Variants in SYT9 observed in about 807,000 individuals in gnomAD.
SYT9 encodes synaptotagmin 9, also known as synaptotagmin-9.
SYT9 carries 22 observed loss-of-function variants against 48.4 expected under a neutral mutation model. That is an observed-to-expected ratio of 0.45 (90% CI 0.32 to 0.65). The LOEUF is 0.65. SYT9 is among the 30% of genes least tolerant of loss of function. The pLI, the probability that SYT9 is intolerant of heterozygous loss-of-function variation, is 0.03. For synonymous variants in SYT9, 265 were observed against 245.0 expected, an observed-to-expected ratio of 1.08 and a Z score of -0.76; for missense variants, 577 against 622.0, an observed-to-expected ratio of 0.93 and a Z score of 0.77.
chr11:7,241,747 A>C (rs1022942757), intron 1 of SYT9, among the ~76,000 whole-genome samples: 2 of 152,250 alleles, frequency 1.3e-5, no homozygotes, highest in African/African-American at 4.8e-5. Context: ...TGTATAATTC[A>C]TTTCGATGTG....
At chr11:7,449,989 C>T (rs973572165) in intron 6 of SYT9, among the ~76,000 whole-genome samples, 1 of 152,096 alleles carries the variant, frequency 6.6e-6, no homozygotes, top group African/African-American at 2.4e-5. Context: ...AGTCATTGCC[C>T]GCCTCCCAAG....
intron 3 of SYT9, among the ~76,000 whole-genome samples, chr11:7,405,092 T>TA (rs10706521): frequency 0.039 from 5,050 of 130,250 alleles, 211 homozygotes; most frequent in African/African-American, 0.098. Flanking sequence ...CTGTCAAGGT[T>TA]AAAAAAAAAA....
At chr11:7,271,776 C>T (rs1310917858) in intron 1 of SYT9, among the ~76,000 whole-genome samples, 4 of 152,066 alleles carry the variant, frequency 2.6e-5, no homozygotes, top group Non-Finnish European at 5.9e-5. Flanking sequence ...TGGGGTTTCG[C>T]CGTGTTAGCC....
rs542598733 is a variant in SYT9, at chr11:7,409,172, T to A, written c.1045-6870T>A. 2.0e-5 allele frequency among the ~76,000 whole-genome samples: 3 copies of A among 152,324 alleles called. No homozygotes were observed. In the East Asian group the frequency reaches 5.8e-4, roughly 29 times the overall value. On this transcript the variant is annotated intron_variant, in intron 3 of 6. Transcript: ENST00000318881. ...TATTGAGATGATCATATGATTTTTG[T>A]CCTTGATTTTGTTTATGTGATGTAT...
At chr11:7,249,070 C>T (rs1847828497), upstream of SYT9, among the ~76,000 whole-genome samples, 1 of 152,138 alleles carries the variant, frequency 6.6e-6, no homozygotes, top group Admixed American at 6.5e-5. Flanking sequence ...TATAAGGAAA[C>T]TAATCCTATT....
intron 3 of SYT9, among the ~76,000 whole-genome samples, chr11:7,374,752 C>T (rs1033869758): frequency 2.0e-5 from 3 of 152,170 alleles, no homozygotes; most frequent in African/African-American, 7.2e-5. Flanking sequence ...CCTTCACCCA[C>T]TTTTCGATGG....
intron 3 of SYT9, among the ~76,000 whole-genome samples, chr11:7,370,253 A>G (rs1009498102): frequency 6.6e-6 from 1 of 152,192 alleles, no homozygotes; most frequent in African/African-American, 2.4e-5. Context: ...AAGCTCTTGA[A>G]AAGTATTTCA....
At chr11:7,255,761 T>C (rs1021338961) in intron 1 of SYT9, among the ~76,000 whole-genome samples, 3 of 152,168 alleles carry the variant, frequency 2.0e-5, no homozygotes, top group African/African-American at 7.2e-5. Flanking sequence ...ATGAGGTTTA[T>C]TTTTTATTTT....
intron 3 of SYT9, among the ~76,000 whole-genome samples, chr11:7,391,149 C>T (rs920246737): frequency 6.6e-6 from 1 of 152,108 alleles, no homozygotes; most frequent in Non-Finnish European, 1.5e-5. Flanking sequence ...TCTGTAAGGA[C>T]ATGATTTTGT....
intron 1 of SYT9, among the ~76,000 whole-genome samples, chr11:7,257,505 C>T (rs564738101): frequency 6.6e-6 from 1 of 152,150 alleles, no homozygotes; most frequent in African/African-American, 2.4e-5. Context: ...AGAAAATGTA[C>T]ATGTAAAATA....
At chr11:7,407,366 T>C (rs371555649) in intron 3 of SYT9, among the ~76,000 whole-genome samples, 670 of 18,522 alleles carry the variant, frequency 0.036, 38 homozygotes, top group African/African-American at 0.13. Context: ...TATAATTTTT[T>C]TTTTTTTTTT....
chr11:7,452,163 CAAT>C (rs1284722340), intron 6 of SYT9, among the ~76,000 whole-genome samples: 1 of 134,658 alleles, frequency 7.4e-6, no homozygotes, highest in Non-Finnish European at 1.6e-5. Context: ...GAAAAACAAA[CAAT>C]GATAAGAAAT....
At position 7,425,190 on chromosome 11, in the gene SYT9, GCTGTAGGT is replaced by G. The variant is rs145997955; in HGVS notation, c.1467+4559_1467+4566del. Among the ~76,000 whole-genome samples the G allele has an allele frequency of 6.5e-3, 991 of 152,272 alleles. 10 individuals are homozygous for G. The highest frequency in any genetic ancestry group is 0.023 in the African/African-American group (951 of 41,558). On this transcript the variant is annotated intron_variant, in intron 6 of 6. Transcript: ENST00000318881. ...TTAGGTGTCCATCCCGGTGCAATTTGCTGTAGGTCTGGGGTCATGAAAATGTGACCTGG... is the reference window on the plus strand; with the variant it reads ...TTAGGTGTCCATCCCGGTGCAATTTGCTGGGGTCATGAAAATGTGACCTGG...
chr11:7,444,044 G>C (rs1036881619), intron 6 of SYT9: 1 of 152,258 alleles, frequency 6.6e-6, no homozygotes, highest in Non-Finnish European at 1.5e-5. Flanking sequence ...GTTGTAGTGA[G>C]ACTGCCAGTC....
intron 3 of SYT9, among the ~76,000 whole-genome samples, chr11:7,414,187 G>T (rs1847194516): frequency 6.6e-6 from 1 of 152,176 alleles, no homozygotes; most frequent in Non-Finnish European, 1.5e-5. Flanking sequence ...CACAGTGCGG[G>T]CCCTCAGGAA....
At chr11:7,377,720 T>C (rs1850480174) in intron 3 of SYT9, among the ~76,000 whole-genome samples, 1 of 152,128 alleles carries the variant, frequency 6.6e-6, no homozygotes, top group Non-Finnish European at 1.5e-5. Flanking sequence ...CCAGTTTCCC[T>C]CATATCTCCG....
intron 3 of SYT9, 152 bp downstream of exon 3, chr11:7,314,093 A>G (rs1849197737): frequency 1.2e-6 from 1 of 856,604 alleles, no homozygotes; most frequent in South Asian, 1.5e-5. Context: ...CTTTTCAGAA[A>G]CAGGGTTTTA....
chr11:7,332,176 T>C (rs1344573476), intron 3 of SYT9, among the ~76,000 whole-genome samples: 2 of 152,148 alleles, frequency 1.3e-5, no homozygotes, highest in African/African-American at 4.8e-5. Flanking sequence ...AGCTAAAGCC[T>C]TTCCTGAGCC....
chr11:7,406,555 T>C (rs1345631196), intron 3 of SYT9, among the ~76,000 whole-genome samples: 1 of 148,948 alleles, frequency 6.7e-6, no homozygotes, highest in Admixed American at 6.7e-5. Context: ...TATATATATA[T>C]ATATATATAT....
Sources: gnomAD v4.1 joint callset for allele counts (sites outside exome capture counted in the v4.1 genomes callset) on GRCh38, gnomAD v4.1.1 for gene constraint, MANE v1.5 for transcripts, NCBI Gene and HGNC (gene_info 2026-07-23, HGNC 2026-07-21) for gene names.